SDK1: variants seen among roughly 807,000 people sequenced by gnomAD.
SDK1 encodes the protein sidekick cell adhesion molecule 1.
SDK1 carries 157 observed loss-of-function variants against 245.5 expected under a neutral mutation model. The observed-to-expected ratio is 0.64, with a 90% CI of 0.56 to 0.73. The LOEUF (loss-of-function observed/expected upper bound fraction) is 0.73, where lower values mean the gene tolerates loss of function less well. SDK1 is among the 30% of genes least tolerant of loss of function. The probability of loss-of-function intolerance (pLI) is 0.00; values close to 1 mark genes in which losing one functional copy is unlikely to be tolerated. For missense variants in SDK1, 3,583 were observed against 3,002.3 expected (o/e 1.19, Z -4.52); for synonymous variants, 1,647 against 1,278.5 (o/e 1.29, Z -6.15).
chr7:3,576,271 G>A (rs544044192), intron 1 of SDK1, among the ~76,000 whole-genome samples: 3 of 152,210 alleles, frequency 2.0e-5, no homozygotes, highest in Admixed American at 6.5e-5. Context: ...TGGCGTCACC[G>A]TTGTTTACGG....
intron 5 of SDK1, among the ~76,000 whole-genome samples, chr7:3,922,258 T>TG (rs1212805321): frequency 2.0e-5 from 3 of 152,316 alleles, no homozygotes; most frequent in East Asian, 1.9e-4. Context: ...GCCATGGATC[T>TG]GGGGGCTGGG....
chr7:4,225,504 G>A (rs932185815), intron 40 of SDK1, among the ~76,000 whole-genome samples: 2 of 152,082 alleles, frequency 1.3e-5, no homozygotes, highest in African/African-American at 2.4e-5. Context: ...TCCAGGCAGC[G>A]ATAAGGCATT....
intron 4 of SDK1, among the ~76,000 whole-genome samples, chr7:3,668,414 A>G (rs1259361365): frequency 6.6e-6 from 1 of 152,154 alleles, no homozygotes; most frequent in Non-Finnish European, 1.5e-5. Flanking sequence ...ATGGGCATGG[A>G]CTTCCTTCAA....
At chr7:4,060,522 T>C (rs1779471838) in intron 19 of SDK1, among the ~76,000 whole-genome samples, 1 of 152,078 alleles carries the variant, frequency 6.6e-6, no homozygotes, top group Admixed American at 6.6e-5. Flanking sequence ...TTTGAGTTCA[T>C]TGTAGATTCT....
At chr7:3,850,227 T>C (rs1780384228) in intron 5 of SDK1, among the ~76,000 whole-genome samples, 1 of 152,204 alleles carries the variant, frequency 6.6e-6, no homozygotes, top group African/African-American at 2.4e-5. Context: ...TAAGAAGCCT[T>C]CTTCTCTGCA....
At chr7:4,182,061 A>T (rs893596145) in intron 35 of SDK1, among the ~76,000 whole-genome samples, 1 of 152,166 alleles carries the variant, frequency 6.6e-6, no homozygotes, top group African/African-American at 2.4e-5. Flanking sequence ...CTGGGATTAC[A>T]GGCGCCCGCC....
At chr7:3,638,863 C>G (rs1405724749) in intron 2 of SDK1, 141 bp from the exon 3 acceptor site, 6 of 417,490 alleles carry the variant, frequency 1.4e-5, no homozygotes, top group African/African-American at 1.2e-4. Context: ...TGCACAGATA[C>G]TAGGTTACCA....
At chr7:3,702,585 G>A (rs113521044) in intron 4 of SDK1, among the ~76,000 whole-genome samples, 1,729 of 152,184 alleles carry the variant, frequency 0.011, 35 homozygotes, top group African/African-American at 0.039. Flanking sequence ...ACATTTTCTC[G>A]TACACTGACT....
chr7:3,430,524 C>T (rs145309540), intron 1 of SDK1, among the ~76,000 whole-genome samples: 15 of 152,274 alleles, frequency 9.9e-5, no homozygotes, highest in Non-Finnish European at 1.6e-4. Context: ...TCCTCCTGCT[C>T]GTCAGCTTCA....
intron 35 of SDK1, among the ~76,000 whole-genome samples, chr7:4,180,750 A>G (rs982259156): frequency 1.3e-5 from 2 of 152,348 alleles, no homozygotes; most frequent in East Asian, 1.9e-4. Flanking sequence ...GGGAGCAGGC[A>G]TCCCACACGG....
At position 4,132,334 on chromosome 7, in the gene SDK1, C is replaced by G. The variant is rs749738707; in HGVS notation, c.4139C>G (p.Pro1380Arg). The change falls in exon 28 of 45, where the codon CCA (proline) becomes CGA (arginine). Residue 1380 changes from proline to arginine, a missense_variant. Transcript: ENST00000404826. ...LERTKDDAPG[P>R]PVRLVFPEVR... ...TGGTTTTTCCCTTCAGCCCCAGGCCCACCAGTGAGGCTCGTGTTCCCCGAA... is the reference window on the plus strand; with the variant it reads ...TGGTTTTTCCCTTCAGCCCCAGGCCGACCAGTGAGGCTCGTGTTCCCCGAA... The G allele has an allele frequency of 1.2e-6, 2 of 1,611,496 alleles. No homozygotes were observed. The highest frequency in any genetic ancestry group is 1.7e-6 in the Non-Finnish European group (2 of 1,178,180).
At chr7:3,870,904 A>G (rs187840129) in intron 5 of SDK1, among the ~76,000 whole-genome samples, 4 of 152,200 alleles carry the variant, frequency 2.6e-5, no homozygotes, top group Admixed American at 2.6e-4. Flanking sequence ...CTTGTTTTTT[A>G]TGACCTTGAT....
At chr7:3,852,343 C>T (rs924814404) in intron 5 of SDK1, among the ~76,000 whole-genome samples, 1 of 152,090 alleles carries the variant, frequency 6.6e-6, no homozygotes, top group Non-Finnish European at 1.5e-5. Flanking sequence ...ATATGTGCTG[C>T]ATTGCTGTGG....
intron 1 of SDK1, among the ~76,000 whole-genome samples, chr7:3,463,307 G>T (rs1780890242): frequency 6.6e-6 from 1 of 151,908 alleles, no homozygotes; most frequent in African/African-American, 2.4e-5. Flanking sequence ...TTTTAACTTT[G>T]GTGCTGAAAA....
At chr7:3,617,603 A>T (rs1039332843) in intron 1 of SDK1, among the ~76,000 whole-genome samples, 1 of 152,182 alleles carries the variant, frequency 6.6e-6, no homozygotes, top group African/African-American at 2.4e-5. Flanking sequence ...GTTCAACAAC[A>T]TGGCAGTTCA....
At chr7:3,789,209 A>G (rs1414092710) in intron 4 of SDK1, among the ~76,000 whole-genome samples, 2 of 151,974 alleles carry the variant, frequency 1.3e-5, no homozygotes, top group African/African-American at 4.8e-5. Context: ...GTGCAGTGGC[A>G]TGATCTCAGC....
intron 5 of SDK1, among the ~76,000 whole-genome samples, chr7:3,864,826 A>G (rs1221515089): frequency 6.6e-6 from 1 of 152,216 alleles, no homozygotes; most frequent in African/African-American, 2.4e-5. Context: ...GAGCAGAGAA[A>G]GAGGGAATGA....
intron 1 of SDK1, among the ~76,000 whole-genome samples, chr7:3,512,070 C>G (rs567436795): frequency 1.3e-5 from 2 of 151,904 alleles, no homozygotes; most frequent in East Asian, 3.9e-4. Context: ...ATCACAGTTT[C>G]CTACAGAGTC....
At chr7:3,789,615 T>C (rs1781017595) in intron 4 of SDK1, among the ~76,000 whole-genome samples, 1 of 152,218 alleles carries the variant, frequency 6.6e-6, no homozygotes, top group Admixed American at 6.5e-5. Flanking sequence ...TGGAAAAGTG[T>C]ATCATCCAAC....
Sources: allele counts gnomAD v4.1 joint callset (sites outside exome capture counted in the v4.1 genomes callset), GRCh38; gene constraint gnomAD v4.1.1; transcripts MANE v1.5; gene names NCBI Gene and HGNC (gene_info 2026-07-23, HGNC 2026-07-21).